The following CYFIP2 variants were observed in gnomAD, a reference collection of about 807,000 sequenced individuals.
CYFIP2 encodes the protein cytoplasmic FMR1 interacting protein 2.
CYFIP2 carries 29 observed loss-of-function variants against 158.7 expected under a neutral mutation model. That is an observed-to-expected ratio of 0.18 (90% confidence interval 0.14 to 0.25). The LOEUF is 0.25. Among genes scored for constraint, CYFIP2 ranks in the 10% least tolerant of loss-of-function variants. CYFIP2 has a pLI of 1.00. For synonymous variants in CYFIP2, 585 were observed against 617.6 expected, an observed-to-expected ratio of 0.95 and a Z score of 0.78; for missense variants, 852 against 1,639.5, an observed-to-expected ratio of 0.52 and a Z score of 8.29.
chr5:157,327,613 T>A (rs1761128430), intron 18 of CYFIP2, among the ~76,000 whole-genome samples: 1 of 151,636 alleles, frequency 6.6e-6, no homozygotes, highest in Non-Finnish European at 1.5e-5. Flanking sequence ...GAAAATAACA[T>A]CCATCTGAAG....
intron 3 of CYFIP2, among the ~76,000 whole-genome samples, 199 bp from the exon 4 acceptor site, chr5:157,294,584 G>C (rs1336683919): frequency 6.6e-6 from 1 of 152,104 alleles, no homozygotes; most frequent in Non-Finnish European, 1.5e-5. Context: ...TGAGTCATCT[G>C]GGAATTTTGT....
intron 1 of CYFIP2, among the ~76,000 whole-genome samples, chr5:157,279,570 C>A (rs953519678): frequency 6.6e-6 from 1 of 152,160 alleles, no homozygotes; most frequent in Non-Finnish European, 1.5e-5. Flanking sequence ...TAAAGCCCCC[C>A]CTTCTCAGAA....
At chr5:157,295,066 A>G (rs1262779057) in intron 4 of CYFIP2, among the ~76,000 whole-genome samples, 1 of 152,222 alleles carries the variant, frequency 6.6e-6, no homozygotes, top group African/African-American at 2.4e-5. Flanking sequence ...CTTAAAACAC[A>G]TTTGTTCAAT....
At chr5:157,317,665 AG>A (rs1760259348) in intron 13 of CYFIP2, among the ~76,000 whole-genome samples, 1 of 152,220 alleles carries the variant, frequency 6.6e-6, no homozygotes, top group Non-Finnish European at 1.5e-5. Flanking sequence ...TCCATCACTG[AG>A]CCACACGCTC....
chr5:157,284,190 A>T (rs1037225556), intron 1 of CYFIP2, among the ~76,000 whole-genome samples: 5 of 151,694 alleles, frequency 3.3e-5, no homozygotes, highest in African/African-American at 1.2e-4. Context: ...CTCTGGGCTG[A>T]TTTTTGTTCT....
At chr5:157,360,260 A>G (rs1181810942) in intron 24 of CYFIP2, 22 bp from the exon 25 acceptor site, 10 of 1,603,270 alleles carry the variant, frequency 6.2e-6, no homozygotes, top group East Asian at 2.2e-5. Context: ...CAGCCCACTC[A>G]TCTGTACTCT....
intron 23 of CYFIP2, chr5:157,343,432 G>C (rs553969639): frequency 6.2e-7 from 1 of 1,614,062 alleles, no homozygotes; most frequent in Non-Finnish European, 8.5e-7. Flanking sequence ...TGCTGTTCCA[G>C]TTGGGCCTGT....
chr5:157,370,534 A>C (rs1388229174), intron 26 of CYFIP2, among the ~76,000 whole-genome samples: 2 of 152,220 alleles, frequency 1.3e-5, no homozygotes, highest in East Asian at 1.9e-4. Context: ...CTTTGATAAA[A>C]ACAAGATTAG....
intron 19 of CYFIP2, 68 bp from the exon 20 acceptor site, chr5:157,330,674 T>A: frequency 8.5e-7 from 1 of 1,173,960 alleles, no homozygotes; most frequent in Non-Finnish European, 1.3e-6. Flanking sequence ...CTGAAATAGA[T>A]GTATCTGGGC....
intron 13 of CYFIP2, among the ~76,000 whole-genome samples, chr5:157,317,845 GTTT>G (rs1471227509): frequency 4.6e-5 from 7 of 152,080 alleles, no homozygotes; most frequent in South Asian, 2.1e-4. Flanking sequence ...CATTTGATGA[GTTT>G]TGGTATTATT....
chr5:157,373,009 C>G (rs946190283), intron 26 of CYFIP2, among the ~76,000 whole-genome samples: 3 of 152,132 alleles, frequency 2.0e-5, no homozygotes, highest in Admixed American at 6.5e-5. Context: ...ACGCTTGAGC[C>G]GAGAGAGGGT....
chr5:157,380,001 G>A (rs1231162166), intron 26 of CYFIP2: 1 of 152,204 alleles, frequency 6.6e-6, no homozygotes, highest in African/African-American at 2.4e-5. Context: ...TAGGAAGCGT[G>A]GAGTGCTGAT....
intron 23 of CYFIP2, among the ~76,000 whole-genome samples, chr5:157,348,526 C>G (rs1018642614): frequency 2.0e-5 from 3 of 152,198 alleles, no homozygotes; most frequent in African/African-American, 2.4e-5. Flanking sequence ...ATTCTCCTGC[C>G]TCAGCCTCCC....
intron 1 of CYFIP2, among the ~76,000 whole-genome samples, chr5:157,275,220 G>A (rs1180696814): frequency 6.6e-6 from 1 of 151,988 alleles, no homozygotes; most frequent in African/African-American, 2.4e-5. Context: ...TTTGTTGCTT[G>A]TGTTTTTGTT....
chr5:157,363,417 G>C (rs987832448), intron 26 of CYFIP2: 2 of 152,352 alleles, frequency 1.3e-5, no homozygotes, highest in African/African-American at 4.8e-5. Context: ...ATTCCAGAGA[G>C]GGGAACGAGC....
At chr5:157,275,254 A>T (rs1756453782) in intron 1 of CYFIP2, among the ~76,000 whole-genome samples, 1 of 152,176 alleles carries the variant, frequency 6.6e-6, no homozygotes, top group Non-Finnish European at 1.5e-5. Context: ...TCAAGGTCAC[A>T]AAGATGTACT....
At position 157,395,210 on chromosome 5, in the gene CYFIP2, G is replaced by T; in HGVS notation, c.*2210G>T. On this transcript the variant is annotated 3_prime_UTR_variant, in exon 31 of 31. Coordinates refer to ENST00000620254, the MANE Select transcript of CYFIP2 (RefSeq NM_001037333.3). The stretch of plus-strand genomic sequence containing the variant: ...ATTTCATTTCCCTGGCTTGCCAGTG[G>T]CACTGATTTCCGAACACCCAATGAG... The T allele has an allele frequency of 4.6e-6, 1 of 219,640 alleles. No homozygotes were observed. Among genetic ancestry groups the T allele is most frequent in the Non-Finnish European group, 9.0e-6 (1 of 111,674 alleles). The allele number at this position is 219,640 out of a possible 1,614,324, so 13.6% of individuals were successfully genotyped here.
Position 157,294,880 on chromosome 5 carries a change from G to C in CYFIP2, c.285+20G>C. On this transcript the variant is annotated intron_variant, in intron 4 of 30. Transcript: ENST00000620254. ...CCCCAGGTGAGACTGTCCTTGTTGT[G>C]TGTCTCTTTCCCCTCCAGAGGGCAT... 1.9e-6 allele frequency: 3 copies of C among 1,606,260 alleles called. No individual in the cohort carries two copies. The highest frequency in any genetic ancestry group is 2.6e-6 in the Non-Finnish European group (3 of 1,173,774).
rs531445344 is a variant in CYFIP2 at position 157,285,213 on chromosome 5, A to C, written c.-23-126A>C. 205 of 626,960 alleles carry C rather than the reference A, an allele frequency of 3.3e-4. 2 individuals carry two copies. In the African/African-American group the frequency reaches 3.4e-3, roughly 10 times the overall value. The allele number at this position is 626,960 out of a possible 1,614,324, so 38.8% of individuals were successfully genotyped here. The stretch of plus-strand genomic sequence containing the variant: ...GAGAGCACCTTGGGAAGAAGTGGTG[A>C]GTGGAAGTGGCCTCAATGCATTTTA... On this transcript the variant is annotated intron_variant, in intron 1 of 30. Transcript: ENST00000620254.
Sources: gnomAD v4.1 joint callset for allele counts (sites outside exome capture counted in the v4.1 genomes callset) on GRCh38, gnomAD v4.1.1 for gene constraint, MANE v1.5 for transcripts, NCBI Gene and HGNC (gene_info 2026-07-23, HGNC 2026-07-21) for gene names.